TEX14: variants seen among roughly 807,000 people sequenced by gnomAD.
TEX14 encodes inactive serine/threonine-protein kinase TEX14.
In TEX14, 168 loss-of-function variants were observed where a neutral mutation model predicts 178.6. The observed-to-expected ratio is 0.94, with a 90% confidence interval of 0.83 to 1.07. The LOEUF (loss-of-function observed/expected upper bound fraction) is 1.07. Among genes scored for constraint, TEX14 ranks in the 50% least tolerant of loss-of-function variants. TEX14 has a pLI of 0.00. For synonymous variants in TEX14, 626 were observed against 634.1 expected (o/e 0.99, Z 0.19); for missense variants, 1,730 against 1,753.6 (o/e 0.99, Z 0.24).
chr17:58,569,124 C>T lies in TEX14; in HGVS notation c.3886+68G>A. Reference sequence around the variant, plus strand: ...CTAGTGTTCACACTTGAGACAAAGACACCATACTGTGGTCAGTGACATAAC... The same window carrying T: ...CTAGTGTTCACACTTGAGACAAAGATACCATACTGTGGTCAGTGACATAAC... On this transcript the variant is annotated intron_variant, in intron 26 of 31. Transcript: ENST00000349033. This position sits in a 1 kb window ranked among gnomAD's most constrained non-coding sequence, Gnocchi z 4.1. 7.7e-7 allele frequency: 1 copy of T among 1,303,228 alleles called. No individual in the cohort carries two copies. Among genetic ancestry groups the T allele is most frequent in the Non-Finnish European group, 1.1e-6 (1 of 906,890 alleles). The allele number at this position is 1,303,228 out of a possible 1,614,324, so 80.7% of individuals were successfully genotyped here. A position where few individuals can be genotyped will look rare whatever the true frequency, so the allele number is the denominator to read the frequency against.
At chr17:58,659,420 T>C (rs567195197) in intron 1 of TEX14, 2 of 635,936 alleles carry the variant, frequency 3.1e-6, no homozygotes, top group African/African-American at 4.0e-5. Context: ...CTTCTTCGTA[T>C]GACACATCTC....
chr17:58,578,222 C>T (rs944505184), intron 20 of TEX14, among the ~76,000 whole-genome samples: 2 of 152,160 alleles, frequency 1.3e-5, no homozygotes, highest in Non-Finnish European at 2.9e-5. Context: ...GCTCTGAAAC[C>T]CCACCAGTGG....
intron 1 of TEX14, among the ~76,000 whole-genome samples, chr17:58,667,856 G>A (rs1450244570): frequency 2.0e-5 from 3 of 147,424 alleles, no homozygotes; most frequent in Non-Finnish European, 3.0e-5. Context: ...TCATGCCACC[G>A]CACTCCAGCC....
intron 1 of TEX14, among the ~76,000 whole-genome samples, chr17:58,686,164 T>C (rs2047587531): frequency 6.6e-6 from 1 of 151,924 alleles, no homozygotes. Flanking sequence ...GGCAACACCT[T>C]GTCTTTACAA....
At chr17:58,623,262 C>T (rs1758031824) in intron 3 of TEX14, among the ~76,000 whole-genome samples, 1 of 151,926 alleles carries the variant, frequency 6.6e-6, no homozygotes, top group Admixed American at 6.6e-5. Context: ...GTATCATTTC[C>T]CAATTTACAG....
chr17:58,599,558 G>A lies in TEX14; in HGVS notation c.1787C>T (p.Ala596Val). ...LMARETQNQDAPCPAPFMAEE... is the reference protein window; with the variant it reads ...LMARETQNQDVPCPAPFMAEE... ...TGCCATAAATGGAGCAGGGCAAGGA[G>A]CATCTTGATTCTGAGTCTCCCTGGC... The change falls in exon 14 of 32, where the codon GCT becomes GTT. Residue 596 changes from alanine (A) to valine (V), a missense_variant. Physicochemically the swap from Ala to Val is moderately conservative, Grantham distance 64. Transcript: ENST00000349033. 6.2e-7 allele frequency: 1 copy of A among 1,614,044 alleles called. No individual in the cohort carries two copies. The highest frequency in any genetic ancestry group is 2.2e-5 in the East Asian group (1 of 44,870).
intron 2 of TEX14, among the ~76,000 whole-genome samples, chr17:58,637,023 T>TCAAG (rs753631434): frequency 2.0e-5 from 3 of 152,044 alleles, no homozygotes; most frequent in Admixed American, 1.3e-4. Flanking sequence ...GGTCAGCAGT[T>TCAAG]CAAGACCAGT....
chr17:58,622,841 C>A lies in TEX14; in HGVS notation c.417+6G>T. ...GGCATGGCTACAGAGTGGGACCCAC[C>A]CTTACCTGGGTGCTACGCTCCTTTC... On this transcript the variant is annotated splice_donor_region_variant and intron_variant, in intron 4 of 31. Coordinates refer to ENST00000349033, the MANE Select transcript of TEX14 (RefSeq NM_031272.5). 1 of 1,603,558 alleles carries A rather than the reference C, an allele frequency of 6.2e-7. No homozygotes were observed. The highest frequency in any genetic ancestry group is 8.5e-7 in the Non-Finnish European group (1 of 1,172,434).
intron 31 of TEX14, among the ~76,000 whole-genome samples, chr17:58,557,490 C>T (rs548175827): frequency 6.6e-6 from 1 of 152,074 alleles, no homozygotes; most frequent in Admixed American, 6.5e-5. Flanking sequence ...AGGCTGGTCT[C>T]GAACTCCTGA....
chr17:58,656,761 A>AG (rs956222366), intron 1 of TEX14, among the ~76,000 whole-genome samples: 1 of 150,622 alleles, frequency 6.6e-6, no homozygotes, highest in African/African-American at 2.4e-5. Context: ...CAAAAAAAAA[A>AG]AAAAGAAAAA....
intron 2 of TEX14, among the ~76,000 whole-genome samples, chr17:58,648,777 T>G (rs899415103): frequency 2.0e-4 from 28 of 138,142 alleles, no homozygotes; most frequent in African/African-American, 7.5e-4. Flanking sequence ...TGTGAATTTC[T>G]TTTTTTTTCT....
At chr17:58,572,557 G>A (rs571181126) in intron 23 of TEX14, among the ~76,000 whole-genome samples, 13 of 151,966 alleles carry the variant, frequency 8.6e-5, no homozygotes, top group South Asian at 2.1e-4. Context: ...GCATGAACCC[G>A]GGAGGCGGAG....
chr17:58,637,570 T>C (rs1412942044), intron 2 of TEX14, among the ~76,000 whole-genome samples: 1 of 152,186 alleles, frequency 6.6e-6, no homozygotes, highest in Non-Finnish European at 1.5e-5. Flanking sequence ...AGGACTGGGT[T>C]GGGAAGCTTC....
At chr17:58,645,325 G>A (rs1375432117) in intron 2 of TEX14, among the ~76,000 whole-genome samples, 1 of 150,974 alleles carries the variant, frequency 6.6e-6, no homozygotes, top group Non-Finnish European at 1.5e-5. Flanking sequence ...AAATTATATT[G>A]TAGGATTCAT....
intron 1 of TEX14, among the ~76,000 whole-genome samples, chr17:58,658,530 C>T (rs188320173): frequency 6.0e-4 from 89 of 147,978 alleles, no homozygotes; most frequent in African/African-American, 1.7e-3. Context: ...GCTGGGATTA[C>T]AGATGTGCGC....
chr17:58,577,277 T>C (rs1305023891), intron 21 of TEX14, 98 bp downstream of exon 21: 1 of 483,582 alleles, frequency 2.1e-6, no homozygotes, highest in Non-Finnish European at 3.4e-6. Context: ...TAGTAGCTAA[T>C]ACATCTGAAG....
At chr17:58,564,584 T>C (rs1249000098) in intron 28 of TEX14, among the ~76,000 whole-genome samples, 6 of 152,196 alleles carry the variant, frequency 3.9e-5, no homozygotes, top group Admixed American at 3.9e-4. Context: ...TTTGGGACAT[T>C]AGTTGCACAA....
intron 25 of TEX14, 109 bp downstream of exon 25, chr17:58,570,276 G>T: frequency 1.6e-6 from 1 of 631,658 alleles, no homozygotes; most frequent in Non-Finnish European, 2.5e-6. Context: ...TTATAATCAT[G>T]GGGAAAACAG....
Position 58,601,806 on chromosome 17 carries a change from C to T in TEX14, c.1678G>A (p.Gly560Ser), listed in dbSNP as rs2045454884. The T allele has an allele frequency of 9.3e-6, 15 of 1,612,012 alleles. No individual in the cohort carries two copies. The highest frequency in any genetic ancestry group is 2.2e-5 in the East Asian group (1 of 44,892). ...CACAACCTGTGAATTAAGGCCATAC[C>T]CATTTCCTTTAGTTCTATGATTTCC... Reference protein sequence around the residue: ...DMEIIELKEMGSQPHSPRVHS... With the variant: ...DMEIIELKEMSSQPHSPRVHS... Residue 560 changes from glycine to serine, a missense_variant and splice_region_variant, in exon 13 of 32, where the codon GGC (glycine) becomes AGC (serine). This residue lies in a region of TEX14 where 941 missense variants were observed against 1,072.4 expected (regional missense o/e 0.88). Coordinates refer to ENST00000349033, the MANE Select transcript of TEX14 (RefSeq NM_031272.5).
Sources: gnomAD v4.1 joint callset for allele counts (sites outside exome capture counted in the v4.1 genomes callset) on GRCh38, gnomAD v4.1.1 for gene constraint, gnomAD v4.1.1 regional missense constraint, Gnocchi (gnomAD v3.1) non-coding constraint, MANE v1.5 for transcripts, NCBI Gene and HGNC (gene_info 2026-07-23, HGNC 2026-07-21) for gene names.